Variants in ZNF300 observed in about 807,000 individuals in gnomAD.
ZNF300 encodes the protein kruppel-like zinc finger protein.
A neutral mutation model predicts 13.9 loss-of-function variants in ZNF300; 6 were observed. That is an observed-to-expected ratio of 0.43 (90% CI 0.24 to 0.85). ZNF300 has a LOEUF of 0.85. ZNF300 is among the 40% of genes least tolerant of loss of function. The probability of loss-of-function intolerance (pLI) is 0.25; values close to 1 mark genes in which losing one functional copy is unlikely to be tolerated. For missense variants in ZNF300, 662 were observed against 714.2 expected, an observed-to-expected ratio of 0.93 and a Z score of 0.83; for synonymous variants, 237 against 242.2, an observed-to-expected ratio of 0.98 and a Z score of 0.20.
intron 2 of ZNF300, chr5:150,903,447 T>C: frequency 7.8e-7 from 1 of 1,281,874 alleles, no homozygotes; most frequent in African/African-American, 1.5e-5. Context: ...AAGATATGTT[T>C]CCAGTTGATT....
intron 2 of ZNF300, 67 bp downstream of exon 2, chr5:150,903,797 A>G (rs1755061472): frequency 5.8e-6 from 1 of 172,504 alleles, no homozygotes; most frequent in Non-Finnish European, 1.3e-5. Flanking sequence ...GTCTGTATAC[A>G]AAAATGGTGA....
At chr5:150,898,282 C>T (rs1754869295) in intron 4 of ZNF300, 98 bp from the exon 5 acceptor site, 19 of 1,588,690 alleles carry the variant, frequency 1.2e-5, no homozygotes, top group East Asian at 2.2e-5. Context: ...GTCCAGTTAG[C>T]CCTCAACAAA....
intron 3 of ZNF300, among the ~76,000 whole-genome samples, chr5:150,901,633 A>C (rs1250996904): frequency 3.3e-5 from 5 of 152,152 alleles, no homozygotes; most frequent in Admixed American, 6.5e-5. Context: ...TCACAACGAT[A>C]ATCATAATGA....
intron 3 of ZNF300, chr5:150,900,546 C>T (rs992113309): frequency 2.6e-5 from 4 of 152,032 alleles, no homozygotes; most frequent in African/African-American, 7.2e-5. Context: ...ACATCTCTGC[C>T]GATGTGTTAA....
chr5:150,900,501 C>T (rs1485227181), intron 3 of ZNF300: 1 of 152,092 alleles, frequency 6.6e-6, no homozygotes, highest in Non-Finnish European at 1.5e-5. Flanking sequence ...TGCTACAGAA[C>T]TTTTATGTGT....
chr5:150,895,146 A>G lies in ZNF300; in HGVS notation c.*278T>C, dbSNP rs1266227042. On this transcript the variant is annotated 3_prime_UTR_variant, in exon 6 of 6. Transcript: ENST00000274599. ...CTGATTATCATTTTGTAGTATAAGG[A>G]ATATGCAACTTGACAATATTCTGTA... 9.8e-6 allele frequency: 3 copies of G among 307,078 alleles called. No individual in the cohort carries two copies. The highest frequency in any genetic ancestry group is 6.5e-5 in the African/African-American group (3 of 46,394). 19.0% of individuals were successfully genotyped at this position (307,078 alleles called of 1,614,324 possible).
chr5:150,897,226 T>C, intron 5 of ZNF300: 1 of 370,508 alleles, frequency 2.7e-6, no homozygotes, highest in Admixed American at 4.2e-5. Flanking sequence ...TAATTTTTGA[T>C]TATTCTTCTA....
At position 150,895,754 on chromosome 5, in the gene ZNF300, AC is replaced by A; in HGVS notation, c.1484del (p.Cys495LeufsTer98). 1 of 1,613,608 alleles carries A rather than the reference AC, an allele frequency of 6.2e-7. No individual in the cohort carries two copies. Among genetic ancestry groups the A allele is most frequent in the Non-Finnish European group, 8.5e-7 (1 of 1,179,824 alleles). ...RTHTGEKPYK[C>X]SECGKAFCQK... The stretch of plus-strand genomic sequence containing the variant: ...GGCAGAAGGCTTTGCCACATTCACT[AC>A]ATTTATAGGGTTTTTCTCCAGTATG... On this transcript the variant is annotated frameshift_variant, in exon 6 of 6. Coordinates refer to ENST00000274599, the MANE Select transcript of ZNF300 (RefSeq NM_052860.4). LOFTEE classifies it low-confidence loss of function (END_TRUNC).
chr5:150,903,320 G>T, intron 2 of ZNF300, 138 bp from the exon 3 acceptor site: 1 of 1,566,232 alleles, frequency 6.4e-7, no homozygotes, highest in Non-Finnish European at 8.7e-7. Flanking sequence ...AAGGTTGTTT[G>T]AGCCTTACAG....
chr5:150,897,808 GTTCTTGAAAGGAATT>G (rs1754847396), intron 5 of ZNF300: 1 of 415,724 alleles, frequency 2.4e-6, no homozygotes, highest in South Asian at 8.4e-5. Context: ...CACAGCTTGT[GTTCTTGAAAGGAATT>G]TGCCTTCTAT....
intron 1 of ZNF300, among the ~76,000 whole-genome samples, 191 bp downstream of exon 1, chr5:150,904,513 T>A (rs1159022863): frequency 1.3e-5 from 2 of 151,848 alleles, no homozygotes; most frequent in African/African-American, 4.8e-5. Context: ...CACCAGTCAG[T>A]CCACCTGCAA....
In ZNF300 at chr5:150,896,224, A is replaced by G. The variant is rs1754770638; in HGVS notation, c.1015T>C (p.Ser339Pro). The G allele has an allele frequency of 5.0e-6, 8 of 1,613,540 alleles. No homozygotes were observed. The highest frequency in any genetic ancestry group is 1.7e-5 in the Admixed American group (1 of 59,880). The stretch of plus-strand genomic sequence containing the variant: ...TGAACTCTCTGATGTATAATAAGGG[A>G]CGATTTCTGAGAGAAGGCTTTTCCA... ...ECGKAFSQKS[S>P]LIIHQRVHTG... is the part of the protein sequence containing the mutation. Residue 339 changes from serine to proline, a missense_variant, in exon 6 of 6, where the codon TCC becomes CCC. By Grantham distance (74) the Ser-to-Pro change is moderately conservative. Transcript: ENST00000274599.
rs1385012309 is a variant in ZNF300, at chr5:150,896,457, T to C, written c.782A>G (p.Asn261Ser). 6.2e-7 allele frequency: 1 copy of C among 1,613,608 alleles called. No homozygotes were observed. The highest frequency in any genetic ancestry group is 8.5e-7 in the Non-Finnish European group (1 of 1,179,800). The change falls in exon 6 of 6, where the codon AAT becomes AGT. Residue 261 changes from asparagine (N) to serine (S), a missense_variant. By Grantham distance (46) the Asn-to-Ser change is conservative (BLOSUM62 1). Transcript: ENST00000274599. ...RNTQSLIQYQ[N>S]VETKEKSCVC... ...ACAGCTTTTCTCTTTAGTTTCCACA[T>C]TCTGATATTGAATAAGGGATTGTGT...
rs906520043 is a variant in ZNF300 at position 150,895,316 on chromosome 5, A to G, written c.*108T>C. ...CACCAAACTAGAAACAAATTCCCTT[A>G]AAAATTTTTATCTATTGGGATGTTG... On this transcript the variant is annotated 3_prime_UTR_variant, in exon 6 of 6. Coordinates refer to ENST00000274599, the MANE Select transcript of ZNF300 (RefSeq NM_052860.4). The G allele has an allele frequency of 1.1e-5, 9 of 833,540 alleles. No individual in the cohort carries two copies. The highest frequency in any genetic ancestry group is 7.6e-4 in the Middle Eastern group (2 of 2,646). The allele number at this position is 833,540 out of a possible 1,614,324, so 51.6% of individuals were successfully genotyped here.
At chr5:150,898,670 A>C in intron 3 of ZNF300, 116 bp from the exon 4 acceptor site, 6 of 1,260,552 alleles carry the variant, frequency 4.8e-6, no homozygotes, top group Non-Finnish European at 6.4e-6. Context: ...AAAACAAAAT[A>C]AAATCCTGTT....
At position 150,896,266 on chromosome 5, in the gene ZNF300, A is replaced by C. The variant is rs1237644506; in HGVS notation, c.973T>G (p.Tyr325Asp). The change falls in exon 6 of 6, where the codon TAT becomes GAT. Residue 325 changes from tyrosine to aspartate, a missense_variant. Tyr to Asp is a radical substitution (Grantham distance 160). Transcript: ENST00000274599. Reference sequence around the variant, plus strand: ...GCTTTTCCACATTCAGAACAATCATAAGGTTTCTCCCCAGTATGAGTTCTC... The same window carrying C: ...GCTTTTCCACATTCAGAACAATCATCAGGTTTCTCCCCAGTATGAGTTCTC... ...HQRTHTGEKP[Y>D]DCSECGKAFS... 6.2e-7 allele frequency: 1 copy of C among 1,613,760 alleles called. No individual in the cohort carries two copies. The highest frequency in any genetic ancestry group is 8.5e-7 in the Non-Finnish European group (1 of 1,179,828).
chr5:150,901,761 T>C (rs527572441), intron 3 of ZNF300, among the ~76,000 whole-genome samples: 2 of 152,112 alleles, frequency 1.3e-5, no homozygotes, highest in Non-Finnish European at 2.9e-5. Flanking sequence ...AATCTCTATC[T>C]GTAAGATGAA....
chr5:150,904,289 T>C (rs1755076190), intron 1 of ZNF300, among the ~76,000 whole-genome samples: 1 of 152,040 alleles, frequency 6.6e-6, no homozygotes, highest in Admixed American at 6.5e-5. Context: ...AGTAAAGGCC[T>C]TCCCCAGTAA....
In ZNF300 at chr5:150,896,165, G is replaced by A. The variant is rs148013564; in HGVS notation, c.1074C>T (p.Cys358=). 7.5e-4 allele frequency: 1,210 copies of A among 1,612,918 alleles called. 11 individuals carry two copies. The African/African-American group carries it at 0.014, about 19-fold the overall frequency. Residue 358 remains cysteine, a synonymous_variant, in exon 6 of 6, where the codon TGC becomes TGT. Transcript: ENST00000274599. ...TGEKPYECSE[C]GKAFSQKSPL... is the part of the protein sequence containing the mutation. The stretch of plus-strand genomic sequence containing the variant: ...GTGATTTCTGGGAGAAGGCTTTCCC[G>A]CATTCACTACATTCATAGGGTTTTT...
Sources: allele counts gnomAD v4.1 joint callset (sites outside exome capture counted in the v4.1 genomes callset), GRCh38; gene constraint gnomAD v4.1.1; transcripts MANE v1.5; gene names NCBI Gene and HGNC (gene_info 2026-07-23, HGNC 2026-07-21).